RRH: variants seen among roughly 807,000 people sequenced by gnomAD.
RRH encodes the protein retinal pigment epithelium-derived rhodopsin homolog, also known as visual pigment-like receptor peropsin.
A neutral mutation model predicts 33.1 loss-of-function variants in RRH; 36 were observed. That is an observed-to-expected ratio of 1.09 (90% CI 0.83 to 1.44). The LOEUF is 1.44. Ranked by LOEUF, RRH falls within the 40% of genes most tolerant of loss-of-function variation. RRH has a pLI of 0.00. For missense variants in RRH, 393 were observed against 420.2 expected (o/e 0.94, Z 0.57); for synonymous variants, 124 against 140.2 (o/e 0.88, Z 0.82).
rs561265984 is a variant in RRH at position 109,836,925 on chromosome 4, CG to C, written c.552-506del. 6.0e-3 allele frequency among the ~76,000 whole-genome samples: 765 copies of C among 126,808 alleles called. 7 individuals carry two copies. Among genetic ancestry groups the C allele is most frequent in the African/African-American group, 0.025 (714 of 28,258 alleles). 83.2% of individuals were successfully genotyped at this position (126,808 alleles called of 152,430 possible). A position where few individuals can be genotyped will look rare whatever the true frequency, so the allele number is the denominator to read the frequency against. On this transcript the variant is annotated intron_variant, in intron 4 of 6. Transcript: ENST00000317735. ...AAAAAAAAAAAAGCAGAGGGTGGTG[CG>C]GGGGGTGGGAAATTAGCTGGCTGTG... is the stretch of plus-strand genomic sequence containing the variant.
chr4:109,842,711 TC>T (rs1314404418), intron 6 of RRH, 64 bp downstream of exon 6: 43 of 1,443,812 alleles, frequency 3.0e-5, no homozygotes, highest in Non-Finnish European at 3.9e-5. Flanking sequence ...TGTTAAGACT[TC>T]TTGGGAGAGA....
At chr4:109,830,011 G>A (rs1283355533) in intron 1 of RRH, among the ~76,000 whole-genome samples, 2 of 152,022 alleles carry the variant, frequency 1.3e-5, no homozygotes, top group Non-Finnish European at 2.9e-5. Context: ...TATTTCATTC[G>A]TTACTTTTAC....
chr4:109,837,988 C>G (rs1213452908), intron 5 of RRH, among the ~76,000 whole-genome samples: 2 of 152,150 alleles, frequency 1.3e-5, no homozygotes, highest in Non-Finnish European at 1.5e-5. Flanking sequence ...CATGTTGGGC[C>G]AGGCTGGTCT....
At chr4:109,842,796 A>G in intron 6 of RRH, 149 bp downstream of exon 6, 1 of 721,900 alleles carries the variant, frequency 1.4e-6, no homozygotes, top group Non-Finnish European at 2.4e-6. Flanking sequence ...CTAGGACCTT[A>G]AATGCTTAGA....
intron 2 of RRH, among the ~76,000 whole-genome samples, chr4:109,833,547 GA>G (rs1579360319): frequency 6.6e-6 from 1 of 151,964 alleles, no homozygotes; most frequent in Non-Finnish European, 1.5e-5. Flanking sequence ...CAACTCAAAG[GA>G]AGAAACAAAC....
rs1733906135 is a variant in RRH at position 109,837,421 on chromosome 4, CT to C, written c.552-12del. The C allele has an allele frequency of 6.2e-7, 1 of 1,611,954 alleles. No individual in the cohort carries two copies. The highest frequency in any genetic ancestry group is 8.5e-7 in the Non-Finnish European group (1 of 1,178,266). Reference sequence around the variant, plus strand: ...ACATTAAATGAGCAATCATGATTGCCTTTTCTTATTTTCAGATCTTTTGTGT... The same window carrying C: ...ACATTAAATGAGCAATCATGATTGCCTTTCTTATTTTCAGATCTTTTGTGT... On this transcript the variant is annotated splice_polypyrimidine_tract_variant and intron_variant, in intron 4 of 6. Transcript: ENST00000317735.
rs772544665 is a variant in RRH at position 109,842,522 on chromosome 4, C to T, written c.774C>T (p.Ile258=). ...MFLVAWSPYS[I]VCLWASFGDP... ...TGGTGGCATGGTCCCCTTATTCCAT[C>T]GTGTGCTTATGGGCTTCTTTTGGTG... is the stretch of plus-strand genomic sequence containing the variant. Residue 258 remains isoleucine (I), a synonymous_variant, in exon 6 of 7, where the codon ATC becomes ATT. Transcript: ENST00000317735. The T allele has an allele frequency of 5.1e-5, 83 of 1,613,868 alleles. No homozygotes were observed. Among genetic ancestry groups the T allele is most frequent in the Non-Finnish European group, 6.6e-5 (78 of 1,179,940 alleles).
chr4:109,841,383 C>T (rs1733979703), intron 5 of RRH, among the ~76,000 whole-genome samples: 1 of 152,160 alleles, frequency 6.6e-6, no homozygotes, highest in Non-Finnish European at 1.5e-5. Flanking sequence ...TTAGCTGAAC[C>T]TGGTGTCCCT....
chr4:109,843,321 C>T (rs1319136078), intron 6 of RRH, among the ~76,000 whole-genome samples: 1 of 152,192 alleles, frequency 6.6e-6, no homozygotes, highest in East Asian at 1.9e-4. Context: ...AAGCAATTCC[C>T]TGCCTCAGCC....
Position 109,830,981 on chromosome 4 carries a change from A to G in RRH, c.107-2158A>G, listed in dbSNP as rs186261470. ...AATGGGACTTAACTAAAATCTAACA[A>G]CTAGGTGATCTTTTGTATACTCATT... On this transcript the variant is annotated intron_variant, in intron 1 of 6. Transcript: ENST00000317735. 7.2e-5 allele frequency among the ~76,000 whole-genome samples: 11 copies of G among 152,278 alleles called. No individual in the cohort carries two copies. The East Asian group carries it at 2.1e-3, about 29-fold the overall frequency.
intron 1 of RRH, among the ~76,000 whole-genome samples, chr4:109,832,160 C>A (rs988163517): frequency 1.4e-5 from 2 of 147,276 alleles, no homozygotes; most frequent in Admixed American, 1.4e-4. Context: ...TCTACTCACA[C>A]CCCACCCCCT....
intron 2 of RRH, 72 bp downstream of exon 2, chr4:109,833,401 A>C: frequency 8.3e-7 from 1 of 1,205,848 alleles, no homozygotes; most frequent in Non-Finnish European, 1.2e-6. Context: ...TCTAAAACGA[A>C]TCCCAAGAGT....
intron 1 of RRH, among the ~76,000 whole-genome samples, chr4:109,831,491 A>G (rs1457751847): frequency 6.6e-6 from 1 of 152,180 alleles, no homozygotes; most frequent in Non-Finnish European, 1.5e-5. Flanking sequence ...GTTAAATTAT[A>G]TAGTGTTACA....
At chr4:109,841,713 T>A (rs958308532) in intron 5 of RRH, among the ~76,000 whole-genome samples, 2 of 152,222 alleles carry the variant, frequency 1.3e-5, no homozygotes, top group Non-Finnish European at 2.9e-5. Context: ...CTCATGTTTC[T>A]TACATAATTT....
intron 1 of RRH, among the ~76,000 whole-genome samples, chr4:109,829,140 G>C (rs1031679586): frequency 2.0e-5 from 3 of 150,972 alleles, no homozygotes; most frequent in Non-Finnish European, 4.4e-5. Flanking sequence ...CAAAAGTAGA[G>C]TGAAAAGTAT....
chr4:109,836,368 G>C (rs984511082), intron 4 of RRH, among the ~76,000 whole-genome samples: 1 of 152,210 alleles, frequency 6.6e-6, no homozygotes, highest in Non-Finnish European at 1.5e-5. Context: ...AGCTCCCTTT[G>C]TCTCCTTTAT....
At chr4:109,835,583 C>T (rs1450867429) in intron 3 of RRH, 118 bp downstream of exon 3, 1 of 788,118 alleles carries the variant, frequency 1.3e-6, no homozygotes, top group African/African-American at 1.7e-5. Context: ...TTTTATTTCT[C>T]TGCCAATAAT....
intron 5 of RRH, among the ~76,000 whole-genome samples, chr4:109,841,130 A>G (rs900927245): frequency 2.0e-5 from 3 of 152,272 alleles, no homozygotes; most frequent in Admixed American, 2.0e-4. Context: ...ATCTTGTTTA[A>G]ATGGAAAAAT....
At chr4:109,832,733 A>G (rs1001331961) in intron 1 of RRH, among the ~76,000 whole-genome samples, 6 of 152,102 alleles carry the variant, frequency 3.9e-5, no homozygotes, top group African/African-American at 1.4e-4. Flanking sequence ...AAAGGCAACT[A>G]TCGAAAAAGA....
Sources: gnomAD v4.1 joint callset for allele counts (sites outside exome capture counted in the v4.1 genomes callset) on GRCh38, gnomAD v4.1.1 for gene constraint, MANE v1.5 for transcripts, NCBI Gene and HGNC (gene_info 2026-07-23, HGNC 2026-07-21) for gene names.